The following POLN variants were observed in gnomAD, a reference collection of about 807,000 sequenced individuals.
POLN encodes the protein DNA polymerase nu.
POLN carries 108 observed loss-of-function variants against 113.5 expected under a neutral mutation model. The observed-to-expected ratio is 0.95, with a 90% CI of 0.81 to 1.12. The LOEUF (loss-of-function observed/expected upper bound fraction) is 1.12, where lower values mean the gene tolerates loss of function less well. Among genes scored for constraint, POLN ranks in the 50% most tolerant of loss-of-function variants. The pLI is 0.00. For synonymous variants in POLN, 386 were observed against 391.5 expected, an observed-to-expected ratio of 0.99 and a Z score of 0.17; for missense variants, 1,097 against 1,077.1, an observed-to-expected ratio of 1.02 and a Z score of -0.26.
chr4:2,109,299 G>A (rs1227987525), intron 19 of POLN, among the ~76,000 whole-genome samples: 1 of 152,110 alleles, frequency 6.6e-6, no homozygotes, highest in African/African-American at 2.4e-5. Flanking sequence ...ACAGGGTCTA[G>A]GAAAAAATAA....
At chr4:2,121,124 A>G (rs1185209583) in intron 19 of POLN, among the ~76,000 whole-genome samples, 8 of 152,088 alleles carry the variant, frequency 5.3e-5, no homozygotes, top group Admixed American at 5.2e-4. Context: ...GGGGGAAGGC[A>G]TTCTTTCACC....
At chr4:2,118,066 C>T (rs1483182278) in intron 19 of POLN, among the ~76,000 whole-genome samples, 1 of 152,216 alleles carries the variant, frequency 6.6e-6, no homozygotes, top group Non-Finnish European at 1.5e-5. Context: ...CACCAACAGA[C>T]ACACCCACAG....
chr4:2,183,308 C>T (rs1039911056), intron 7 of POLN, among the ~76,000 whole-genome samples: 2 of 149,046 alleles, frequency 1.3e-5, no homozygotes, highest in Admixed American at 6.7e-5. Context: ...TAGATATACA[C>T]GCAAGCAAGT....
chr4:2,240,848 G>A, intron 2 of POLN: 3 of 1,612,980 alleles, frequency 1.9e-6, no homozygotes, highest in Non-Finnish European at 1.7e-6. Flanking sequence ...CATCTTCAAC[G>A]CCCTCAAACA....
At chr4:2,154,434 T>A (rs475634) in intron 16 of POLN, among the ~76,000 whole-genome samples, 114,385 of 151,952 alleles carry the variant, frequency 0.75, 45,665 homozygotes, top group Non-Finnish European at 0.89. Context: ...TTTCATGTAG[T>A]CAACCTCAAC....
At chr4:2,082,533 T>C (rs187322836) in intron 21 of POLN, 2 of 152,336 alleles carry the variant, frequency 1.3e-5, no homozygotes, top group East Asian at 3.9e-4. Flanking sequence ...ACAAACACAC[T>C]GTGTTAGCTG....
At chr4:2,140,991 C>G (rs1731987907) in intron 16 of POLN, 1 of 152,218 alleles carries the variant, frequency 6.6e-6, no homozygotes, top group Admixed American at 6.5e-5. Context: ...GCTCTGCATC[C>G]CCACTGGAGA....
At chr4:2,241,918 C>A (rs1735004599) in intron 1 of POLN, 128 bp from the exon 2 acceptor site, 2 of 985,408 alleles carry the variant, frequency 2.0e-6, no homozygotes, top group African/African-American at 3.5e-5. Context: ...GATCCCCGGG[C>A]AGCTGCTGGA....
At chr4:2,162,454 C>T (rs1022860513) in intron 13 of POLN, among the ~76,000 whole-genome samples, 1 of 152,162 alleles carries the variant, frequency 6.6e-6, no homozygotes, top group East Asian at 1.9e-4. Flanking sequence ...ACACTCACCG[C>T]GAGGGTCTGC....
At chr4:2,089,696 A>C in intron 20 of POLN, 1 of 683,458 alleles carries the variant, frequency 1.5e-6, no homozygotes, top group Non-Finnish European at 2.5e-6. Context: ...TAAAAATCAG[A>C]TAGTGAATTA....
At chr4:2,118,216 T>C (rs1416636131) in intron 19 of POLN, among the ~76,000 whole-genome samples, 1 of 152,206 alleles carries the variant, frequency 6.6e-6, no homozygotes, top group Non-Finnish European at 1.5e-5. Context: ...TGTAAGGATT[T>C]TGGGGTGTCA....
chr4:2,238,518 C>A (rs1393068834), intron 2 of POLN: 8 of 828,200 alleles, frequency 9.7e-6, no homozygotes, highest in Middle Eastern at 4.1e-4. Context: ...TTGTTAAAAA[C>A]TTCCAAAATT....
chr4:2,112,941 G>A (rs1731231957), intron 19 of POLN, among the ~76,000 whole-genome samples: 1 of 152,094 alleles, frequency 6.6e-6, no homozygotes, highest in South Asian at 2.1e-4. Context: ...GCACACGTAT[G>A]TTTATTGTGG....
intron 14 of POLN, 43 bp from the exon 15 acceptor site, chr4:2,157,954 A>G: frequency 6.6e-7 from 1 of 1,518,418 alleles, no homozygotes; most frequent in South Asian, 1.1e-5. Context: ...TTAAGTCTTA[A>G]GTCTTTTTTT....
intron 3 of POLN, among the ~76,000 whole-genome samples, chr4:2,222,425 C>T (rs1418429991): frequency 1.3e-5 from 2 of 152,106 alleles, no homozygotes; most frequent in African/African-American, 4.8e-5. Flanking sequence ...GCATGCACAC[C>T]TGTAGTCTCA....
intron 1 of POLN, 64 bp from the exon 2 acceptor site, chr4:2,241,854 T>C (rs2108782601): frequency 1.0e-6 from 1 of 984,358 alleles, no homozygotes; most frequent in South Asian, 4.7e-5. Flanking sequence ...AAGACGGGGG[T>C]GACAGGCCCC....
rs778707718 is a variant in POLN at position 2,085,634 on chromosome 4, T to C, written c.2176A>G (p.Ile726Val). The change falls in exon 21 of 26, where the codon ATT (isoleucine) becomes GTT (valine). Residue 726 changes from isoleucine to valine, a missense_variant. Coordinates refer to ENST00000511885, the MANE Select transcript of POLN (RefSeq NM_181808.4). ...KKIKDFARAA[I>V]AQCHQTGCVV... ...TCACCTGTCTGGTGACACTGGGCAA[T>C]AGCTGCTCGGGCGAAGTCCTTGATT... The C allele has an allele frequency of 4.3e-6, 7 of 1,613,956 alleles. No homozygotes were observed. Among genetic ancestry groups the C allele is most frequent in the Admixed American group, 1.7e-5 (1 of 60,010 alleles).
intron 2 of POLN, chr4:2,240,263 T>G: frequency 6.2e-7 from 1 of 1,613,818 alleles, no homozygotes; most frequent in Non-Finnish European, 8.5e-7. Flanking sequence ...TTTCAACTAC[T>G]TCATGTATAC....
intron 16 of POLN, among the ~76,000 whole-genome samples, chr4:2,133,175 C>T (rs577567343): frequency 4.7e-4 from 69 of 148,000 alleles, no homozygotes; most frequent in Non-Finnish European, 1.0e-3. Context: ...AACATGCTGT[C>T]AATAATGCAA....
Sources: gnomAD v4.1 joint callset for allele counts (sites outside exome capture counted in the v4.1 genomes callset) on GRCh38, gnomAD v4.1.1 for gene constraint, MANE v1.5 for transcripts, NCBI Gene and HGNC (gene_info 2026-07-23, HGNC 2026-07-21) for gene names.